Variants in ITGB8 observed in about 807,000 individuals in gnomAD.
ITGB8 encodes integrin subunit beta 8.
A neutral mutation model predicts 89.5 loss-of-function variants in ITGB8; 30 were observed. The observed-to-expected ratio is 0.34, with a 90% CI of 0.25 to 0.45. The LOEUF (loss-of-function observed/expected upper bound fraction) is 0.45, where lower values mean the gene tolerates loss of function less well. ITGB8 is among the 20% of genes least tolerant of loss of function. The pLI is 1.00. For missense variants in ITGB8, 836 were observed against 933.3 expected (o/e 0.90, Z 1.36); for synonymous variants, 335 against 320.4 (o/e 1.05, Z -0.49).
chr7:20,333,111 T>G (rs1194141921), intron 1 of ITGB8, among the ~76,000 whole-genome samples: 2 of 152,126 alleles, frequency 1.3e-5, no homozygotes, highest in East Asian at 1.9e-4. Context: ...ATTAAAACAG[T>G]CAAATCATAA....
intron 7 of ITGB8, among the ~76,000 whole-genome samples, chr7:20,393,171 A>G (rs781657189): frequency 1.3e-5 from 2 of 152,206 alleles, no homozygotes; most frequent in Non-Finnish European, 2.9e-5. Flanking sequence ...GCAGCTTTTT[A>G]TAGCTTTTGC....
chr7:20,412,558 C>T lies in ITGB8; in HGVS notation c.*2561C>T, dbSNP rs1163171333. 1 of 152,454 alleles carries T rather than the reference C, an allele frequency of 6.6e-6. No homozygotes were observed. Among genetic ancestry groups the T allele is most frequent in the Non-Finnish European group, 1.5e-5 (1 of 67,990 alleles). 9.4% of individuals were successfully genotyped at this position (152,454 alleles called of 1,614,324 possible). The stretch of plus-strand genomic sequence containing the variant: ...CCAGAGTTTATATTTTTTTTATACC[C>T]TCACTTGTTTGCACTAACTTTATAG... On this transcript the variant is annotated 3_prime_UTR_variant, in exon 14 of 14. Coordinates refer to ENST00000222573, the MANE Select transcript of ITGB8 (RefSeq NM_002214.3).
At chr7:20,333,250 G>A (rs1370633466) in intron 1 of ITGB8, among the ~76,000 whole-genome samples, 2 of 152,146 alleles carry the variant, frequency 1.3e-5, no homozygotes, top group African/African-American at 4.8e-5. Context: ...ATCTGAAATG[G>A]AGAAATTAGA....
At chr7:20,354,001 C>T (rs933506303) in intron 1 of ITGB8, among the ~76,000 whole-genome samples, 16 of 145,226 alleles carry the variant, frequency 1.1e-4, no homozygotes, top group Non-Finnish European at 2.4e-4. Context: ...ATGAATTCAT[C>T]TAGTTATGTA....
intron 1 of ITGB8, among the ~76,000 whole-genome samples, chr7:20,361,552 G>C (rs1785505273): frequency 6.6e-6 from 1 of 152,096 alleles, no homozygotes; most frequent in Non-Finnish European, 1.5e-5. Context: ...TCAGAAGGGT[G>C]GGGCCCTCAT....
intron 1 of ITGB8, chr7:20,346,703 G>C (rs1784936863): frequency 1.0e-6 from 1 of 985,328 alleles, no homozygotes; most frequent in South Asian, 4.7e-5. Context: ...GGTGTCTTAA[G>C]ACACTCTTGA....
At chr7:20,334,081 T>G (rs977761653) in intron 1 of ITGB8, among the ~76,000 whole-genome samples, 1 of 152,184 alleles carries the variant, frequency 6.6e-6, no homozygotes, top group African/African-American at 2.4e-5. Context: ...TTGGGTTTAA[T>G]TTTTAAAGCA....
chr7:20,348,644 T>A (rs954765174), intron 1 of ITGB8, among the ~76,000 whole-genome samples: 5 of 152,192 alleles, frequency 3.3e-5, no homozygotes, highest in Admixed American at 1.3e-4. Flanking sequence ...GTGACTTGGG[T>A]AAGGCAGAAT....
At position 20,349,564 on chromosome 7, in the gene ITGB8, TCAATC is replaced by T. The variant is rs140204245; in HGVS notation, c.128-14070_128-14066del. Among the ~76,000 whole-genome samples, 1,164 of 152,150 alleles carry T rather than the reference TCAATC, an allele frequency of 7.7e-3. 21 individuals are homozygous for T. The highest frequency in any genetic ancestry group is 0.026 in the African/African-American group (1,096 of 41,504). On this transcript the variant is annotated intron_variant, in intron 1 of 13. Coordinates refer to ENST00000222573, the MANE Select transcript of ITGB8 (RefSeq NM_002214.3). ...ATTTTTTATTATCTCACAAACAAGT[TCAATC>T]CATACAAAAAAGTATTAAAATAAAT...
intron 1 of ITGB8, among the ~76,000 whole-genome samples, chr7:20,355,821 A>G (rs1448974802): frequency 6.6e-6 from 1 of 152,238 alleles, no homozygotes; most frequent in Non-Finnish European, 1.5e-5. Flanking sequence ...GGAGCCAACT[A>G]CAAATATTTT....
intron 3 of ITGB8, among the ~76,000 whole-genome samples, chr7:20,376,871 A>C (rs987582633): frequency 1.2e-4 from 18 of 152,220 alleles, no homozygotes; most frequent in African/African-American, 4.1e-4. Context: ...CCAAGGCCTC[A>C]GCTGACTCCG....
At chr7:20,377,004 A>G (rs936214035) in intron 3 of ITGB8, among the ~76,000 whole-genome samples, 7 of 152,034 alleles carry the variant, frequency 4.6e-5, no homozygotes, top group Non-Finnish European at 7.4e-5. Flanking sequence ...GGCCAGCGAG[A>G]CCGGAATTTG....
intron 1 of ITGB8, among the ~76,000 whole-genome samples, chr7:20,360,908 C>G (rs1307424850): frequency 2.3e-5 from 3 of 132,834 alleles, no homozygotes; most frequent in Non-Finnish European, 4.8e-5. Flanking sequence ...ACTTTTGCAA[C>G]TGCAGTCTTT....
intron 3 of ITGB8, among the ~76,000 whole-genome samples, chr7:20,369,380 G>T (rs1483135044): frequency 6.6e-6 from 1 of 152,132 alleles, no homozygotes; most frequent in Admixed American, 6.6e-5. Flanking sequence ...ATGGTTCCTG[G>T]TGAGAGGTCT....
rs540098943 is a variant in ITGB8, at chr7:20,382,617, C to G, written c.960+732C>G. Among the ~76,000 whole-genome samples, 21 of 152,274 alleles carry G rather than the reference C, an allele frequency of 1.4e-4. No individual in the cohort carries two copies. In the East Asian group the frequency reaches 2.7e-3, roughly 20 times the overall value. On this transcript the variant is annotated intron_variant, in intron 6 of 13. Transcript: ENST00000222573. The stretch of plus-strand genomic sequence containing the variant: ...TCTCCAACTTTCTCAGTTCATGAGA[C>G]CCTAGTCTCTCAGTGATTTTATTCC...
chr7:20,400,310 A>T (rs1456970700), intron 9 of ITGB8, among the ~76,000 whole-genome samples: 1 of 152,140 alleles, frequency 6.6e-6, no homozygotes, highest in Non-Finnish European at 1.5e-5. Context: ...TGACCTCTTA[A>T]TTATAGAAAC....
At chr7:20,337,047 G>A (rs1369324938) in intron 1 of ITGB8, among the ~76,000 whole-genome samples, 17 of 152,098 alleles carry the variant, frequency 1.1e-4, no homozygotes, top group Admixed American at 9.8e-4. Context: ...TTGACCTTCT[G>A]GACAAATCAT....
Position 20,347,772 on chromosome 7 carries a change from G to A in ITGB8, c.127+15839G>A, listed in dbSNP as rs1784977808. 2.0e-5 allele frequency among the ~76,000 whole-genome samples: 3 copies of A among 152,278 alleles called. No homozygotes were observed. The South Asian group carries it at 6.2e-4, about 32-fold the overall frequency. On this transcript the variant is annotated intron_variant, in intron 1 of 13. Coordinates refer to ENST00000222573, the MANE Select transcript of ITGB8 (RefSeq NM_002214.3). Reference sequence around the variant, plus strand: ...AGTTTGGAACTGAAGGTACCAATTTGGTGGTCATGTTCAAGGAAGTGAGGC... The same window carrying A: ...AGTTTGGAACTGAAGGTACCAATTTAGTGGTCATGTTCAAGGAAGTGAGGC...
intron 1 of ITGB8, among the ~76,000 whole-genome samples, chr7:20,355,000 C>T (rs759167729): frequency 1.3e-5 from 2 of 152,188 alleles, no homozygotes; most frequent in African/African-American, 4.8e-5. Context: ...TGCTAGTGCC[C>T]CACCCATGCT....
Sources: allele counts gnomAD v4.1 joint callset (sites outside exome capture counted in the v4.1 genomes callset), GRCh38; gene constraint gnomAD v4.1.1; transcripts MANE v1.5; gene names NCBI Gene and HGNC (gene_info 2026-07-23, HGNC 2026-07-21).